The following RYR3 variants were observed in gnomAD, a reference collection of about 807,000 sequenced individuals.
RYR3 encodes the protein brain ryanodine receptor-calcium release channel.
RYR3 carries 207 observed loss-of-function variants against 584.3 expected under a neutral mutation model. The ratio of observed to expected loss-of-function variants is 0.35; its 90% CI spans 0.32 to 0.40. RYR3 has a LOEUF of 0.40. Among genes scored for constraint, RYR3 ranks in the 10% least tolerant of loss-of-function variants. The probability of loss-of-function intolerance (pLI) is 1.00; values close to 1 mark genes in which losing one functional copy is unlikely to be tolerated. For missense variants in RYR3, 5,616 were observed against 6,089.2 expected, an observed-to-expected ratio of 0.92 and a Z score of 2.59; for synonymous variants, 2,416 against 2,248.5, an observed-to-expected ratio of 1.07 and a Z score of -2.11.
intron 1 of RYR3, among the ~76,000 whole-genome samples, chr15:33,338,045 C>T (rs572237183): frequency 3.4e-5 from 5 of 147,192 alleles, no homozygotes; most frequent in Admixed American, 1.4e-4. Context: ...CTTGGGTTCA[C>T]GCCATTCTCT....
At chr15:33,449,545 A>G (rs548932638) in intron 1 of RYR3, among the ~76,000 whole-genome samples, 1 of 151,872 alleles carries the variant, frequency 6.6e-6, no homozygotes, top group East Asian at 1.9e-4. Flanking sequence ...ACATAGTGTG[A>G]ATGGGGGGCA....
intron 17 of RYR3, 108 bp downstream of exon 17, chr15:33,601,660 C>G (rs1403768123): frequency 8.4e-7 from 1 of 1,186,066 alleles, no homozygotes; most frequent in African/African-American, 1.5e-5. Flanking sequence ...CCCATTGTTT[C>G]CATGGTGATA....
chr15:33,446,266 C>T (rs188235434), intron 1 of RYR3, among the ~76,000 whole-genome samples: 92 of 152,284 alleles, frequency 6.0e-4, no homozygotes, highest in African/African-American at 2.2e-3. Context: ...AAATTGAAGA[C>T]TTAGGACAAC....
At chr15:33,383,990 T>C (rs2041390733) in intron 1 of RYR3, among the ~76,000 whole-genome samples, 1 of 152,146 alleles carries the variant, frequency 6.6e-6, no homozygotes, top group Non-Finnish European at 1.5e-5. Context: ...GGCCATTATC[T>C]TATGTCAATT....
At chr15:33,658,315 C>T (rs1489283074) in intron 32 of RYR3, among the ~76,000 whole-genome samples, 1 of 152,230 alleles carries the variant, frequency 6.6e-6, no homozygotes, top group Non-Finnish European at 1.5e-5. Context: ...ACTCTCCCCG[C>T]CTTCCGCCCC....
In RYR3 at chr15:33,695,096, A is replaced by C. The variant is rs16957537; in HGVS notation, c.5861-1122A>C. ...CTTTCTTTCACTGATTGACTGAGTG[A>C]CCTTCATTGTCCCCTTGGCACTGCC... On this transcript the variant is annotated intron_variant, in intron 38 of 103. Transcript: ENST00000634891. Among the ~76,000 whole-genome samples the C allele has an allele frequency of 9.7e-3, 1,471 of 152,280 alleles. 24 individuals carry two copies. The highest frequency in any genetic ancestry group is 0.034 in the African/African-American group (1,414 of 41,546).
At chr15:33,439,999 G>A (rs1204190659) in intron 1 of RYR3, among the ~76,000 whole-genome samples, 1 of 152,148 alleles carries the variant, frequency 6.6e-6, no homozygotes, top group Non-Finnish European at 1.5e-5. Flanking sequence ...TTTTAAAATT[G>A]AGTCTAGGCT....
At chr15:33,488,576 G>T (rs115555987) in intron 2 of RYR3, among the ~76,000 whole-genome samples, 1 of 151,948 alleles carries the variant, frequency 6.6e-6, no homozygotes, top group Non-Finnish European at 1.5e-5. Flanking sequence ...AGTCATGGCC[G>T]GGCATGGTGG....
At chr15:33,502,525 C>T (rs1428133504) in intron 2 of RYR3, among the ~76,000 whole-genome samples, 1 of 152,124 alleles carries the variant, frequency 6.6e-6, no homozygotes, top group Non-Finnish European at 1.5e-5. Context: ...CACAGGTGAT[C>T]ACAAGCTGTA....
At chr15:33,581,696 C>G (rs1441857641) in intron 14 of RYR3, 53 bp downstream of exon 14, 1 of 1,493,898 alleles carries the variant, frequency 6.7e-7, no homozygotes, top group East Asian at 2.3e-5. Context: ...GGGATTTCCA[C>G]GTGCAATCCC....
At chr15:33,564,480 C>T (rs1022977833) in intron 11 of RYR3, among the ~76,000 whole-genome samples, 6 of 152,140 alleles carry the variant, frequency 3.9e-5, no homozygotes, top group East Asian at 1.9e-4. Flanking sequence ...GAGGGCTGCA[C>T]GCTGGGAATA....
intron 64 of RYR3, among the ~76,000 whole-genome samples, chr15:33,777,734 T>G (rs1468041767): frequency 6.6e-6 from 1 of 151,566 alleles, no homozygotes; most frequent in Non-Finnish European, 1.5e-5. Flanking sequence ...CTGACTAACC[T>G]TCTAGAAATC....
At chr15:33,654,610 T>C (rs749637008) in intron 32 of RYR3, among the ~76,000 whole-genome samples, 3 of 152,078 alleles carry the variant, frequency 2.0e-5, no homozygotes, top group Non-Finnish European at 2.9e-5. Flanking sequence ...AAAGTGTGTT[T>C]GGGGATCTGT....
At chr15:33,726,757 G>A (rs547976292) in intron 46 of RYR3, among the ~76,000 whole-genome samples, 1 of 152,302 alleles carries the variant, frequency 6.6e-6, no homozygotes, top group African/African-American at 2.4e-5. Context: ...CCATTTCTGT[G>A]GTATAAACTT....
In RYR3 at chr15:33,725,985, A is replaced by AC. The variant is rs1396102580; in HGVS notation, c.6913-401_6913-400insC. On this transcript the variant is annotated intron_variant, in intron 45 of 103. Coordinates refer to ENST00000634891, the MANE Select transcript of RYR3 (RefSeq NM_001036.6). ...ACTCCATCCCCCCCCCCAAAAAAAA[A>AC]AAAAAAAAAAAACAGAATTCTAGAG... 1.1e-4 allele frequency among the ~76,000 whole-genome samples: 14 copies of AC among 131,952 alleles called. 3 individuals are homozygous for AC. Among genetic ancestry groups the AC allele is most frequent in the South Asian group, 4.8e-4 (2 of 4,182 alleles). The allele number at this position is 131,952 out of a possible 152,430, so 86.6% of individuals were successfully genotyped here. A position where few individuals can be genotyped will look rare whatever the true frequency, so the allele number is the denominator to read the frequency against.
intron 2 of RYR3, among the ~76,000 whole-genome samples, chr15:33,484,750 T>C (rs935415373): frequency 1.3e-5 from 2 of 152,118 alleles, no homozygotes; most frequent in Non-Finnish European, 2.9e-5. Flanking sequence ...GGGCATATAT[T>C]GGAGGAGGGA....
At chr15:33,741,038 A>T (rs916840032) in intron 51 of RYR3, among the ~76,000 whole-genome samples, 1 of 152,256 alleles carries the variant, frequency 6.6e-6, no homozygotes, top group Non-Finnish European at 1.5e-5. Flanking sequence ...AAGACAAAGC[A>T]AATGGCGTAG....
chr15:33,563,894 TA>T (rs2057552274), intron 11 of RYR3, among the ~76,000 whole-genome samples: 1 of 152,046 alleles, frequency 6.6e-6, no homozygotes, highest in African/African-American at 2.4e-5. Context: ...GAAAATACAA[TA>T]AATAAGAGAC....
At chr15:33,317,627 C>T (rs1476018866) in intron 1 of RYR3, among the ~76,000 whole-genome samples, 1 of 152,148 alleles carries the variant, frequency 6.6e-6, no homozygotes, top group African/African-American at 2.4e-5. Flanking sequence ...AGGGATGAGC[C>T]TCTTGAGATG....
Sources: gnomAD v4.1 joint callset for allele counts (sites outside exome capture counted in the v4.1 genomes callset) on GRCh38, gnomAD v4.1.1 for gene constraint, MANE v1.5 for transcripts, NCBI Gene and HGNC (gene_info 2026-07-23, HGNC 2026-07-21) for gene names.